TMEM74: variants seen among roughly 807,000 people sequenced by gnomAD.
TMEM74 encodes transmembrane protein 74.
In TMEM74, 13 loss-of-function variants were observed where a neutral mutation model predicts 18.1. That is an observed-to-expected ratio of 0.72 (90% CI 0.47 to 1.14). TMEM74 has a LOEUF of 1.14. Ranked by LOEUF, TMEM74 falls within the 50% of genes most tolerant of loss-of-function variation. The pLI, the probability that TMEM74 is intolerant of heterozygous loss-of-function variation, is 0.00. For synonymous variants in TMEM74, 159 were observed against 146.6 expected, an observed-to-expected ratio of 1.08 and a Z score of -0.61; for missense variants, 372 against 375.9, an observed-to-expected ratio of 0.99 and a Z score of 0.09.
At chr8:108,728,064 T>G (rs1161703285) in intron 1 of TMEM74, among the ~76,000 whole-genome samples, 2 of 152,170 alleles carry the variant, frequency 1.3e-5, no homozygotes, top group East Asian at 3.8e-4. Flanking sequence ...TGGTGTCAAC[T>G]CCCGATGAAA....
intron 1 of TMEM74, among the ~76,000 whole-genome samples, chr8:108,662,366 G>A (rs1013636388): frequency 2.6e-5 from 4 of 152,026 alleles, no homozygotes; most frequent in African/African-American, 4.8e-5. Flanking sequence ...CGAGACATTC[G>A]TTGAAAGACA....
At chr8:108,718,983 C>T (rs1327238751) in intron 1 of TMEM74, among the ~76,000 whole-genome samples, 3 of 144,000 alleles carry the variant, frequency 2.1e-5, no homozygotes, top group South Asian at 2.2e-4. Context: ...TATATATATA[C>T]GTATATATAC....
At chr8:108,747,155 G>T (rs1813856344) in intron 1 of TMEM74, among the ~76,000 whole-genome samples, 1 of 152,000 alleles carries the variant, frequency 6.6e-6, no homozygotes, top group Non-Finnish European at 1.5e-5. Context: ...TCAACCTGTT[G>T]GGATCTGATG....
At chr8:108,640,650 A>G (rs1812656926) in intron 2 of TMEM74, among the ~76,000 whole-genome samples, 2 of 151,718 alleles carry the variant, frequency 1.3e-5, no homozygotes, top group South Asian at 4.2e-4. Context: ...TTTTTTTTGG[A>G]AAAAAAATCA....
intron 1 of TMEM74, among the ~76,000 whole-genome samples, chr8:108,762,879 AAAAACAAAAC>A (rs528010889): frequency 2.0e-5 from 3 of 152,128 alleles, no homozygotes; most frequent in Non-Finnish European, 1.5e-5. Context: ...CCTCATATTT[AAAAACAAAAC>A]AAAACAAAAC....
At chr8:108,720,582 A>T (rs1342364207) in intron 1 of TMEM74, among the ~76,000 whole-genome samples, 3 of 152,214 alleles carry the variant, frequency 2.0e-5, no homozygotes, top group Non-Finnish European at 4.4e-5. Flanking sequence ...CAAACAAATT[A>T]GGTAGTCTAT....
At chr8:108,624,672 T>C (rs1349767228) in intron 2 of TMEM74, among the ~76,000 whole-genome samples, 1 of 152,078 alleles carries the variant, frequency 6.6e-6, no homozygotes, top group African/African-American at 2.4e-5. Flanking sequence ...AACACCTATC[T>C]ACTGAACATG....
chr8:108,736,292 G>A (rs912862450), intron 1 of TMEM74, among the ~76,000 whole-genome samples: 4 of 151,984 alleles, frequency 2.6e-5, no homozygotes, highest in Non-Finnish European at 4.4e-5. Context: ...GAAATTACAC[G>A]GGGCTTTCTT....
chr8:108,683,374 A>T (rs936450941), intron 1 of TMEM74, among the ~76,000 whole-genome samples: 6 of 151,848 alleles, frequency 4.0e-5, no homozygotes, highest in African/African-American at 1.4e-4. Flanking sequence ...ATAATTACAA[A>T]TAAGTTAAAT....
intron 1 of TMEM74, among the ~76,000 whole-genome samples, chr8:108,687,621 C>A (rs952975400): frequency 6.6e-6 from 1 of 152,060 alleles, no homozygotes; most frequent in Non-Finnish European, 1.5e-5. Flanking sequence ...TTTTCTGCAA[C>A]TAGATGGTCC....
chr8:108,743,152 T>C (rs938396340), intron 1 of TMEM74, among the ~76,000 whole-genome samples: 1 of 152,184 alleles, frequency 6.6e-6, no homozygotes, highest in African/African-American at 2.4e-5. Context: ...TAAGCCTCAA[T>C]TAATCCAGGA....
chr8:108,708,419 T>A (rs1586268774), intron 1 of TMEM74, among the ~76,000 whole-genome samples: 1 of 152,256 alleles, frequency 6.6e-6, no homozygotes, highest in East Asian at 1.9e-4. Context: ...GATTTCTGGG[T>A]CAAATGGTAA....
chr8:108,625,010 A>C (rs1176207099), intron 2 of TMEM74, among the ~76,000 whole-genome samples: 1 of 152,066 alleles, frequency 6.6e-6, no homozygotes, highest in Non-Finnish European at 1.5e-5. Flanking sequence ...GAAAACATTT[A>C]GATTTTCTGC....
chr8:108,717,481 G>C (rs1309685145), intron 1 of TMEM74, among the ~76,000 whole-genome samples: 2 of 152,144 alleles, frequency 1.3e-5, no homozygotes. Context: ...TGTTCACATG[G>C]AGTTGATATC....
chr8:108,611,212 A>G (rs1308258805), intron 2 of TMEM74, among the ~76,000 whole-genome samples: 2 of 152,344 alleles, frequency 1.3e-5, no homozygotes, highest in East Asian at 3.9e-4. Flanking sequence ...TCTGAGATCC[A>G]TGGATTAAAG....
At chr8:108,690,553 A>G (rs894875670) in intron 1 of TMEM74, among the ~76,000 whole-genome samples, 1 of 151,922 alleles carries the variant, frequency 6.6e-6, no homozygotes, top group African/African-American at 2.4e-5. Context: ...CGGTGGCTCA[A>G]GCCTGTAATC....
In TMEM74 at chr8:108,780,535, A is replaced by G. The variant is rs926467723; in HGVS notation, c.*3646T>C. ...TGGGGGGACTGAGGTAAAGGCACACATAAGTTTGGCAGCGCAGTCTCTTTT... is the reference window on the plus strand; with the variant it reads ...TGGGGGGACTGAGGTAAAGGCACACGTAAGTTTGGCAGCGCAGTCTCTTTT... On this transcript the variant is annotated 3_prime_UTR_variant, in exon 2 of 2. Transcript: ENST00000297459. 6.6e-6 allele frequency among the ~76,000 whole-genome samples: 1 copy of G among 152,206 alleles called. No individual in the cohort carries two copies.
intron 1 of TMEM74, 108 bp downstream of exon 1, chr8:108,787,368 C>G (rs1203149942): frequency 1.3e-5 from 2 of 152,242 alleles, no homozygotes; most frequent in African/African-American, 4.8e-5. Flanking sequence ...GCCTAGTACT[C>G]GGAGACGAAG....
At chr8:108,663,409 A>G (rs191096704) in intron 1 of TMEM74, among the ~76,000 whole-genome samples, 26 of 152,312 alleles carry the variant, frequency 1.7e-4, no homozygotes, top group Admixed American at 1.5e-3. Context: ...AACCACAATG[A>G]AACACCATCT....
Sources: gnomAD v4.1 joint callset for allele counts (sites outside exome capture counted in the v4.1 genomes callset) on GRCh38, gnomAD v4.1.1 for gene constraint, MANE v1.5 for transcripts, NCBI Gene and HGNC (gene_info 2026-07-23, HGNC 2026-07-21) for gene names.